Variants in AKAP9 observed in about 807,000 individuals in gnomAD.
The protein encoded by AKAP9 is A-kinase anchor protein 9.
In AKAP9, 311 loss-of-function variants were observed where a neutral mutation model predicts 488.5. The observed-to-expected ratio is 0.64, with a 90% CI of 0.58 to 0.70. The LOEUF is 0.70. Ranked by LOEUF, AKAP9 falls within the 30% of genes least tolerant of loss-of-function variation. The pLI is 0.00. For synonymous variants in AKAP9, 1,462 were observed against 1,483.5 expected (o/e 0.99, Z 0.33); for missense variants, 4,215 against 4,374.5 (o/e 0.96, Z 1.03).
intron 2 of AKAP9, among the ~76,000 whole-genome samples, chr7:91,977,405 A>C (rs1357262557): frequency 1.3e-5 from 2 of 152,096 alleles, no homozygotes; most frequent in Non-Finnish European, 2.9e-5. Context: ...AAATACAAAA[A>C]ATTAGCGGGG....
At position 92,097,646 on chromosome 7, in the gene AKAP9, G is replaced by A. The variant is rs61757664; in HGVS notation, c.10459G>A (p.Glu3487Lys). ...AAATTGGGTTCTTCAACAGAAAATAGAAGGAGAAACAAAAGAATCAAACTA... is the reference window on the plus strand; with the variant it reads ...AAATTGGGTTCTTCAACAGAAAATAAAAGGAGAAACAAAAGAATCAAACTA... ...TRNWVLQQKI[E>K]GETKESNYAK... The change falls in exon 42 of 50, where the codon GAA becomes AAA. Residue 3487 changes from glutamate to lysine, a missense_variant. This residue lies in a region of AKAP9 where 1,476 missense variants were observed against 1,477.4 expected (regional missense o/e 1.00). Coordinates refer to ENST00000356239, the MANE Select transcript of AKAP9 (RefSeq NM_005751.5). 805 of 1,614,086 alleles carry A rather than the reference G, an allele frequency of 5.0e-4. 10 individuals carry two copies. In the Middle Eastern group the frequency reaches 0.014, roughly 27 times the overall value.
chr7:91,999,854 GTTCATTCA>G (rs34314890), intron 7 of AKAP9, among the ~76,000 whole-genome samples: 10 of 151,400 alleles, frequency 6.6e-5, no homozygotes, highest in South Asian at 2.1e-4. Flanking sequence ...CTTTAGTTAT[GTTCATTCA>G]TTCATTCATT....
chr7:92,010,923 G>A (rs1584100273), intron 8 of AKAP9, among the ~76,000 whole-genome samples: 2 of 152,116 alleles, frequency 1.3e-5, no homozygotes, highest in South Asian at 4.1e-4. Flanking sequence ...GAGCAGCTGG[G>A]ATTATAAGTA....
chr7:92,011,899 C>A (rs1445105204), intron 8 of AKAP9, among the ~76,000 whole-genome samples: 1 of 152,112 alleles, frequency 6.6e-6, no homozygotes, highest in African/African-American at 2.4e-5. Flanking sequence ...CCAGGAGTTT[C>A]AGGCCAGCCT....
chr7:92,094,626 A>C (rs1485138392), intron 39 of AKAP9, among the ~76,000 whole-genome samples: 1 of 152,112 alleles, frequency 6.6e-6, no homozygotes, highest in Non-Finnish European at 1.5e-5. Context: ...TGAGGTCAGG[A>C]GATTGAAACC....
Position 92,000,958 on chromosome 7 carries a change from G to C in AKAP9, c.1041G>C (p.Glu347Asp). 6.6e-7 allele frequency: 1 copy of C among 1,523,018 alleles called. No individual in the cohort carries two copies. The highest frequency in any genetic ancestry group is 8.8e-7 in the Non-Finnish European group (1 of 1,132,126). The allele number at this position is 1,523,018 out of a possible 1,614,324, so 94.3% of individuals were successfully genotyped here. The change falls in exon 8 of 50, where the codon GAG becomes GAC. Residue 347 changes from glutamate (E) to aspartate (D), a missense_variant. By Grantham distance (45) the Glu-to-Asp change is conservative. Coordinates refer to ENST00000356239, the MANE Select transcript of AKAP9 (RefSeq NM_005751.5). The stretch of plus-strand genomic sequence containing the variant: ...TAGAAGAAGAAAAGAAAACTCTTGA[G>C]CTAAAGGATAAATTAACAACTGCTG... ...KIIEEEKKTL[E>D]LKDKLTTADK...
intron 1 of AKAP9, among the ~76,000 whole-genome samples, chr7:91,945,396 A>G (rs1314581290): frequency 1.3e-5 from 2 of 152,160 alleles, no homozygotes; most frequent in East Asian, 3.8e-4. Flanking sequence ...AATCCCAGCT[A>G]CTGGGGAGGT....
chr7:92,032,157 T>C (rs916392291), intron 16 of AKAP9, among the ~76,000 whole-genome samples: 1 of 152,192 alleles, frequency 6.6e-6, no homozygotes, highest in Admixed American at 6.5e-5. Flanking sequence ...TCCATTTGTT[T>C]TGTCTTTGTA....
chr7:92,108,043 AT>A lies in AKAP9; in HGVS notation c.11547-450del, dbSNP rs1278038532. ...CCAAAAAAAAAAAAAAAGAAAAAAA[AT>A]ATACATAACCTAAGGCTTAATGTAA... is the stretch of plus-strand genomic sequence containing the variant. On this transcript the variant is annotated intron_variant, in intron 48 of 49. Coordinates refer to ENST00000356239, the MANE Select transcript of AKAP9 (RefSeq NM_005751.5). 3.8e-5 allele frequency: 7 copies of A among 185,112 alleles called. No homozygotes were observed. The South Asian group carries it at 4.3e-4, about 11-fold the overall frequency. 11.5% of individuals were successfully genotyped at this position (185,112 alleles called of 1,614,324 possible).
At chr7:92,051,212 C>T (rs773478917) in intron 21 of AKAP9, among the ~76,000 whole-genome samples, 46 of 152,272 alleles carry the variant, frequency 3.0e-4, no homozygotes, top group Admixed American at 5.2e-4. Flanking sequence ...TGTCCCTTTG[C>T]CCTAAAAAGC....
In AKAP9 at chr7:91,997,793, T is replaced by G. The variant is rs1798578571; in HGVS notation, c.930+1993T>G. 2.0e-5 allele frequency among the ~76,000 whole-genome samples: 3 copies of G among 152,190 alleles called. No homozygotes were observed. The South Asian group carries it at 6.2e-4, about 32-fold the overall frequency. ...CAAGTAATTCATTTTGTAGGGGGAATAACCTTTGTTATTTGAATATAACAA... is the reference window on the plus strand; with the variant it reads ...CAAGTAATTCATTTTGTAGGGGGAAGAACCTTTGTTATTTGAATATAACAA... On this transcript the variant is annotated intron_variant, in intron 7 of 49. Transcript: ENST00000356239.
At chr7:92,015,129 A>G (rs1801326428) in intron 10 of AKAP9, among the ~76,000 whole-genome samples, 1 of 152,222 alleles carries the variant, frequency 6.6e-6, no homozygotes, top group African/African-American at 2.4e-5. Context: ...ATCTGAAGAA[A>G]TAGCAATAAA....
intron 21 of AKAP9, among the ~76,000 whole-genome samples, chr7:92,048,041 A>G (rs1172113250): frequency 2.0e-5 from 3 of 152,152 alleles, no homozygotes; most frequent in Non-Finnish European, 4.4e-5. Context: ...TAATTTTTAT[A>G]TAAACCTGAA....
chr7:91,988,420 A>T (rs1797367247), intron 3 of AKAP9, among the ~76,000 whole-genome samples: 1 of 151,748 alleles, frequency 6.6e-6, no homozygotes, highest in Non-Finnish European at 1.5e-5. Context: ...CAATGACCTA[A>T]TGATCACACC....
At chr7:92,049,716 A>G (rs1280054638) in intron 21 of AKAP9, among the ~76,000 whole-genome samples, 1 of 151,928 alleles carries the variant, frequency 6.6e-6, no homozygotes, top group Non-Finnish European at 1.5e-5. Flanking sequence ...TTTTTCTTGG[A>G]ACATATTCAG....
chr7:91,951,100 G>A (rs938085009), intron 1 of AKAP9, among the ~76,000 whole-genome samples: 2 of 147,766 alleles, frequency 1.4e-5, no homozygotes, highest in African/African-American at 4.9e-5. Flanking sequence ...ATAATTTGAG[G>A]TTTTTTTTTT....
chr7:91,993,375 G>A (rs1266666467), intron 5 of AKAP9, among the ~76,000 whole-genome samples: 1 of 151,828 alleles, frequency 6.6e-6, no homozygotes, highest in Non-Finnish European at 1.5e-5. Flanking sequence ...GAGACAGGGT[G>A]TCACCTCAGA....
chr7:92,012,379 T>C (rs1313871818), intron 8 of AKAP9, 50 bp from the exon 9 acceptor site: 1 of 1,507,452 alleles, frequency 6.6e-7, no homozygotes, highest in Admixed American at 1.7e-5. Context: ...GTTAAATTAT[T>C]TGATTTGTCA....
chr7:91,944,456 G>C lies in AKAP9; in HGVS notation c.48+3309G>C, dbSNP rs567944374. 2.7e-5 allele frequency among the ~76,000 whole-genome samples: 4 copies of C among 149,648 alleles called. No individual in the cohort carries two copies. In the South Asian group the frequency reaches 8.5e-4, roughly 32 times the overall value. ...GGCTGGAGTGCAGTGGCAGGATCTT[G>C]GCTCACTGCAGCCTCCACCTCCCAG... On this transcript the variant is annotated intron_variant, in intron 1 of 49. Transcript: ENST00000356239.
Sources: gnomAD v4.1 joint callset for allele counts (sites outside exome capture counted in the v4.1 genomes callset) on GRCh38, gnomAD v4.1.1 for gene constraint, gnomAD v4.1.1 regional missense constraint, MANE v1.5 for transcripts, NCBI Gene and HGNC (gene_info 2026-07-23, HGNC 2026-07-21) for gene names.